FAH: variants seen among roughly 807,000 people sequenced by gnomAD.
FAH encodes fumarylacetoacetate hydrolase.
In FAH, 47 loss-of-function variants were observed where a neutral mutation model predicts 55.8. The observed-to-expected ratio is 0.84, with a 90% confidence interval of 0.67 to 1.07. The LOEUF is 1.07. FAH is among the 50% of genes least tolerant of loss of function. FAH has a pLI of 0.00. For missense variants in FAH, 495 were observed against 545.9 expected (o/e 0.91, Z 0.93); for synonymous variants, 199 against 207.7 (o/e 0.96, Z 0.36).
At chr15:80,183,274 C>T (rs1012821156) in intron 13 of FAH, among the ~76,000 whole-genome samples, 2 of 152,112 alleles carry the variant, frequency 1.3e-5, no homozygotes, top group African/African-American at 4.8e-5. Flanking sequence ...TTATAATTTG[C>T]TAAGAGGAGA....
In FAH at chr15:80,175,033, G is replaced by T. The variant is rs73481171; in HGVS notation, c.855G>T (p.Pro285=). 1 of 1,610,780 alleles carries T rather than the reference G, an allele frequency of 6.2e-7. No individual in the cohort carries two copies. Among genetic ancestry groups the T allele is most frequent in the Non-Finnish European group, 8.5e-7 (1 of 1,178,690 alleles). ...PNPKQDPRPL[P]YLCHDEPYTF... ...CCTCTCAGGACCCCAGGCCCCTGCCGTATCTGTGCCATGACGAGCCCTACA... is the reference window on the plus strand; with the variant it reads ...CCTCTCAGGACCCCAGGCCCCTGCCTTATCTGTGCCATGACGAGCCCTACA... The change falls in exon 10 of 14, where the codon CCG becomes CCT. Residue 285 remains proline, a synonymous_variant. Coordinates refer to ENST00000561421, the MANE Select transcript of FAH (RefSeq NM_000137.4).
At chr15:80,186,430 A>G, downstream of FAH, 1 of 609,348 alleles carries the variant, frequency 1.6e-6, no homozygotes. Context: ...ATATTCATTA[A>G]TATGTTTTCT....
chr15:80,182,833 C>T (rs749911711), intron 13 of FAH, among the ~76,000 whole-genome samples: 12 of 152,148 alleles, frequency 7.9e-5, no homozygotes, highest in Admixed American at 2.6e-4. Flanking sequence ...CCTTTGGTCA[C>T]GGTTCTGTGG....
intron 12 of FAH, 116 bp downstream of exon 12, chr15:80,180,341 C>T: frequency 1.3e-6 from 1 of 775,506 alleles, no homozygotes; most frequent in Admixed American, 2.0e-5. Context: ...GTGGGTGTAT[C>T]TCACAACTCT....
intron 10 of FAH, among the ~76,000 whole-genome samples, chr15:80,176,089 C>G (rs1218511793): frequency 6.6e-6 from 1 of 152,030 alleles, no homozygotes; most frequent in African/African-American, 2.4e-5. Flanking sequence ...GCGATCTTGG[C>G]TCACCACAAC....
rs554549343 is a variant in FAH, at chr15:80,162,114, G to A, written c.365-132G>A. The stretch of plus-strand genomic sequence containing the variant: ...TTATATTGCATTTGGTGCTGCCATT[G>A]CTGGCTGCAGGCTGAGCTCTGGATG... On this transcript the variant is annotated intron_variant, in intron 4 of 13. Transcript: ENST00000561421. The A allele has an allele frequency of 2.2e-4, 172 of 768,284 alleles. No homozygotes were observed. In the African/African-American group the frequency reaches 2.6e-3, roughly 12 times the overall value. The allele number at this position is 768,284 out of a possible 1,614,324, so 47.6% of individuals were successfully genotyped here.
At position 80,155,076 on chromosome 15, in the gene FAH, G is replaced by A. The variant is rs567754038; in HGVS notation, c.81+1941G>A. On this transcript the variant is annotated intron_variant, in intron 1 of 13. Transcript: ENST00000561421. ...GTTGTTCCTTCTGCCTGGAATACTC[G>A]TCCTTCTGCTCTCTATATGCTTGGC... is the stretch of plus-strand genomic sequence containing the variant. 5.9e-5 allele frequency among the ~76,000 whole-genome samples: 9 copies of A among 152,228 alleles called. No homozygotes were observed. The South Asian group carries it at 1.7e-3, about 28-fold the overall frequency.
intron 4 of FAH, among the ~76,000 whole-genome samples, chr15:80,161,322 ATTAC>A (rs1193906745): frequency 7.2e-6 from 1 of 138,318 alleles, no homozygotes; most frequent in Admixed American, 7.5e-5. Context: ...TCTCTCAGCT[ATTAC>A]TTCTGTGCAA....
intron 13 of FAH, among the ~76,000 whole-genome samples, chr15:80,184,909 C>G (rs2142111573): frequency 6.6e-6 from 1 of 152,310 alleles, no homozygotes; most frequent in East Asian, 1.9e-4. Flanking sequence ...TTCCTGCTCC[C>G]TTTCCCTCCA....
At position 80,180,243 on chromosome 15, in the gene FAH, C is replaced by A; in HGVS notation, c.1062+18C>A. 6.3e-7 allele frequency: 1 copy of A among 1,587,296 alleles called. No homozygotes were observed. The highest frequency in any genetic ancestry group is 8.6e-7 in the Non-Finnish European group (1 of 1,165,952). On this transcript the variant is annotated intron_variant, in intron 12 of 13. Coordinates refer to ENST00000561421, the MANE Select transcript of FAH (RefSeq NM_000137.4). ...GCGGGCCGGTGAGTATCTGGCTGCA[C>A]TGAGGGCTGCCCACGCAGAGCATCC...
At chr15:80,169,302 G>T (rs1595893496) in intron 7 of FAH, among the ~76,000 whole-genome samples, 1 of 152,030 alleles carries the variant, frequency 6.6e-6, no homozygotes, top group East Asian at 2.0e-4. Flanking sequence ...AGAATCGCTT[G>T]AACTGAGGAG....
At chr15:80,172,984 G>GT in intron 8 of FAH, 30 bp from the exon 9 acceptor site, 2 of 1,614,192 alleles carry the variant, frequency 1.2e-6, no homozygotes, top group Non-Finnish European at 1.7e-6. Context: ...ATCAGCCTTT[G>GT]TAAGTCCTGG....
intron 2 of FAH, 107 bp from the exon 3 acceptor site, chr15:80,159,647 CGG>C (rs1473481454): frequency 8.7e-6 from 11 of 1,262,644 alleles, no homozygotes; most frequent in Admixed American, 1.7e-5. Flanking sequence ...TTTGAGTTAG[CGG>C]GAGAGAAGTG....
In FAH at chr15:80,153,076, G is replaced by C; in HGVS notation, c.22G>C (p.Glu8Gln). Residue 8 changes from glutamate (E) to glutamine (Q), a missense_variant, in exon 1 of 14, where the codon GAG (glutamate) becomes CAG (glutamine). Physicochemically the swap from Glu to Gln is conservative, Grantham distance 29. Coordinates refer to ENST00000561421, the MANE Select transcript of FAH (RefSeq NM_000137.4). MSFIPVA[E>Q]DSDFPIHNLP... ...CAGCATGTCCTTCATCCCGGTGGCC[G>C]AGGATTCCGACTTCCCCATCCACAA... 1 of 1,613,842 alleles carries C rather than the reference G, an allele frequency of 6.2e-7. No individual in the cohort carries two copies. Among genetic ancestry groups the C allele is most frequent in the Non-Finnish European group, 8.5e-7 (1 of 1,179,996 alleles).
chr15:80,181,357 C>T (rs2041329910), intron 13 of FAH, among the ~76,000 whole-genome samples, 198 bp downstream of exon 13: 1 of 152,076 alleles, frequency 6.6e-6, no homozygotes, highest in East Asian at 1.9e-4. Context: ...TCTCCCTAGG[C>T]CAGAAAGACT....
At chr15:80,160,154 G>A (rs2041136339) in intron 3 of FAH, 3 of 633,450 alleles carry the variant, frequency 4.7e-6, no homozygotes, top group Admixed American at 2.6e-5. Context: ...CATCATCTGT[G>A]ACCTCATCTG....
intron 13 of FAH, among the ~76,000 whole-genome samples, chr15:80,184,295 T>G (rs1352373076): frequency 6.6e-6 from 1 of 152,194 alleles, no homozygotes; most frequent in Non-Finnish European, 1.5e-5. Context: ...AGCAAAAGTC[T>G]TTCGTTTCTT....
chr15:80,157,194 C>A (rs2041106749), intron 1 of FAH: 1 of 152,350 alleles, frequency 6.6e-6, no homozygotes, highest in Non-Finnish European at 1.5e-5. Flanking sequence ...CTGGTCTACC[C>A]CGATTCCAAG....
chr15:80,153,268 T>C, intron 1 of FAH, 133 bp downstream of exon 1: 1 of 773,136 alleles, frequency 1.3e-6, no homozygotes, highest in Non-Finnish European at 2.2e-6. Flanking sequence ...CTCTTAAGAT[T>C]CGTTCCGTGA....
Sources: allele counts gnomAD v4.1 joint callset (sites outside exome capture counted in the v4.1 genomes callset), GRCh38; gene constraint gnomAD v4.1.1; transcripts MANE v1.5; gene names NCBI Gene and HGNC (gene_info 2026-07-23, HGNC 2026-07-21).